Variants in KCND3 observed in about 807,000 individuals in gnomAD.
KCND3 encodes A-type voltage-gated potassium channel KCND3.
A neutral mutation model predicts 51.1 loss-of-function variants in KCND3; 9 were observed. The ratio of observed to expected loss-of-function variants is 0.18; its 90% CI spans 0.11 to 0.31. The LOEUF (loss-of-function observed/expected upper bound fraction) is 0.31, where lower values mean the gene tolerates loss of function less well. Ranked by LOEUF, KCND3 falls within the 10% of genes least tolerant of loss-of-function variation. The pLI is 1.00. For synonymous variants in KCND3, 349 were observed against 368.0 expected, an observed-to-expected ratio of 0.95 and a Z score of 0.59; for missense variants, 526 against 903.8, an observed-to-expected ratio of 0.58 and a Z score of 5.36.
chr1:111,778,141 C>T (rs1465944721), intron 6 of KCND3, among the ~76,000 whole-genome samples: 1 of 152,204 alleles, frequency 6.6e-6, no homozygotes. Flanking sequence ...TGGGATGTGG[C>T]ACAGACAGAT....
At chr1:111,917,689 G>A (rs571776599) in intron 2 of KCND3, among the ~76,000 whole-genome samples, 1 of 152,264 alleles carries the variant, frequency 6.6e-6, no homozygotes, top group South Asian at 2.1e-4. Flanking sequence ...AATGACCGTG[G>A]GAAGGGACAG....
In KCND3 at chr1:111,981,549, A is replaced by G; in HGVS notation, c.1106+72T>C. On this transcript the variant is annotated intron_variant, in intron 2 of 7. Transcript: ENST00000302127. The surrounding 1 kb of genome is among the most constrained non-coding windows in gnomAD (Gnocchi z 6.2). Reference sequence around the variant, plus strand: ...CTCCTCCTCTACCCATGGTGACACCATCCAAGGTTTCAGAGGTCATCCAGC... The same window carrying G: ...CTCCTCCTCTACCCATGGTGACACCGTCCAAGGTTTCAGAGGTCATCCAGC... 6.2e-7 allele frequency: 1 copy of G among 1,606,592 alleles called. No individual in the cohort carries two copies. Among genetic ancestry groups the G allele is most frequent in the Non-Finnish European group, 8.5e-7 (1 of 1,173,996 alleles).
At chr1:111,851,355 C>T (rs74109707) in intron 2 of KCND3, among the ~76,000 whole-genome samples, 285 of 152,282 alleles carry the variant, frequency 1.9e-3, no homozygotes, top group African/African-American at 6.2e-3. Flanking sequence ...AGTCAATGAG[C>T]GCAGTGTGAG....
chr1:111,870,439 T>C (rs1484102083), intron 2 of KCND3, among the ~76,000 whole-genome samples: 2 of 152,298 alleles, frequency 1.3e-5, no homozygotes, highest in East Asian at 1.9e-4. Context: ...AGAGGACAGA[T>C]GATCACTTTG....
In KCND3 at chr1:111,845,681, C is replaced by A. The variant is rs141394095; in HGVS notation, c.1107-58575G>T. ...TAACTCTATGGAATACTCACAACAG[C>A]CCTGTGAGGTGCTTCTATTATTATA... On this transcript the variant is annotated intron_variant, in intron 2 of 7. Coordinates refer to ENST00000302127, the MANE Select transcript of KCND3 (RefSeq NM_001378969.1). 1.4e-3 allele frequency among the ~76,000 whole-genome samples: 220 copies of A among 152,322 alleles called. 1 individual carries two copies. Among genetic ancestry groups the A allele is most frequent in the East Asian group, 7.3e-3 (38 of 5,190 alleles).
intron 2 of KCND3, among the ~76,000 whole-genome samples, chr1:111,796,235 C>T (rs56225387): frequency 1.2e-3 from 185 of 152,278 alleles, no homozygotes; most frequent in Middle Eastern, 6.8e-3. Flanking sequence ...CAATTACTTT[C>T]GGCATCTTTG....
At chr1:111,953,157 T>A (rs892582321) in intron 2 of KCND3, among the ~76,000 whole-genome samples, 1 of 151,930 alleles carries the variant, frequency 6.6e-6, no homozygotes, top group African/African-American at 2.4e-5. Flanking sequence ...CAGATGAGGC[T>A]GTACATGAAT....
rs1022357955 is a variant in KCND3 at position 111,778,359 on chromosome 1, G to A, written c.1518+77C>T. 1.3e-5 allele frequency: 17 copies of A among 1,351,072 alleles called. No individual in the cohort carries two copies. The Admixed American group carries it at 1.8e-4, about 15-fold the overall frequency. The allele number at this position is 1,351,072 out of a possible 1,614,324, so 83.7% of individuals were successfully genotyped here. ...CAGCACATGCACAGAACCAGGCCGG[G>A]GGGTAAAAAGGGGAGAATCCACAGA... On this transcript the variant is annotated intron_variant, in intron 6 of 7. Transcript: ENST00000302127.
At chr1:111,816,227 G>A (rs1666084539) in intron 2 of KCND3, among the ~76,000 whole-genome samples, 1 of 152,248 alleles carries the variant, frequency 6.6e-6, no homozygotes, top group Non-Finnish European at 1.5e-5. Context: ...TGGGGTCCGA[G>A]CACTGGAGCC....
chr1:111,988,796 G>A (rs1232050355), intron 1 of KCND3: 1 of 152,180 alleles, frequency 6.6e-6, no homozygotes, highest in African/African-American at 2.4e-5. Flanking sequence ...GCCTGTTGCT[G>A]ACATATCAGG....
intron 2 of KCND3, among the ~76,000 whole-genome samples, chr1:111,858,779 C>A (rs780695701): frequency 1.1e-4 from 16 of 152,180 alleles, no homozygotes; most frequent in Non-Finnish European, 1.9e-4. Flanking sequence ...TGACTCCCCA[C>A]TGCCTCTCTA....
intron 2 of KCND3, among the ~76,000 whole-genome samples, chr1:111,904,504 C>A (rs1670547255): frequency 6.6e-6 from 1 of 152,194 alleles, no homozygotes; most frequent in African/African-American, 2.4e-5. Flanking sequence ...CAAAACACAG[C>A]CCCACGTGAG....
chr1:111,891,207 C>G (rs1669805101), intron 2 of KCND3, among the ~76,000 whole-genome samples: 1 of 151,994 alleles, frequency 6.6e-6, no homozygotes, highest in Non-Finnish European at 1.5e-5. Flanking sequence ...AAGGGTTGGG[C>G]ACATGGGCAG....
chr1:111,945,297 G>A (rs1401937652), intron 2 of KCND3, among the ~76,000 whole-genome samples: 1 of 152,168 alleles, frequency 6.6e-6, no homozygotes, highest in African/African-American at 2.4e-5. Flanking sequence ...TGCACAGGAG[G>A]GGTTTCATGG....
intron 2 of KCND3, among the ~76,000 whole-genome samples, chr1:111,941,771 CTT>C (rs1672532523): frequency 6.6e-6 from 1 of 152,220 alleles, no homozygotes; most frequent in Non-Finnish European, 1.5e-5. Flanking sequence ...GAAATATGGT[CTT>C]TGAATTTCTG....
chr1:111,958,057 T>C (rs1240781431), intron 2 of KCND3, among the ~76,000 whole-genome samples: 2 of 152,074 alleles, frequency 1.3e-5, no homozygotes, highest in African/African-American at 4.8e-5. Context: ...CTAGTACTTT[T>C]CCAGGAGACA....
At chr1:111,869,585 G>T (rs571750565) in intron 2 of KCND3, among the ~76,000 whole-genome samples, 1 of 152,166 alleles carries the variant, frequency 6.6e-6, no homozygotes, top group Non-Finnish European at 1.5e-5. Flanking sequence ...CAGTTGGGAA[G>T]GAAGAGAGAA....
chr1:111,886,282 T>G (rs762415444), intron 2 of KCND3, among the ~76,000 whole-genome samples: 9 of 152,180 alleles, frequency 5.9e-5, no homozygotes, highest in Admixed American at 3.3e-4. Context: ...AATGGCCCAT[T>G]GTACTCTGGG....
intron 2 of KCND3, among the ~76,000 whole-genome samples, chr1:111,930,895 G>C (rs1671937635): frequency 6.6e-6 from 1 of 152,220 alleles, no homozygotes; most frequent in Non-Finnish European, 1.5e-5. Context: ...AGTTCTGCAG[G>C]TGAAAAAGGT....
Sources: gnomAD v4.1 joint callset for allele counts (sites outside exome capture counted in the v4.1 genomes callset) on GRCh38, gnomAD v4.1.1 for gene constraint, Gnocchi (gnomAD v3.1) non-coding constraint, MANE v1.5 for transcripts, NCBI Gene and HGNC (gene_info 2026-07-23, HGNC 2026-07-21) for gene names.